The following PBX4 variants were observed in gnomAD, a reference collection of about 807,000 sequenced individuals.
PBX4 encodes pre-B-cell leukemia transcription factor 4.
A neutral mutation model predicts 35.1 loss-of-function variants in PBX4; 26 were observed. The observed-to-expected ratio is 0.74, with a 90% CI of 0.54 to 1.03. PBX4 has a LOEUF of 1.03. PBX4 is among the 50% of genes least tolerant of loss of function. The pLI is 0.00. For synonymous variants in PBX4, 199 were observed against 204.2 expected, an observed-to-expected ratio of 0.97 and a Z score of 0.22; for missense variants, 448 against 504.3, an observed-to-expected ratio of 0.89 and a Z score of 1.07.
intron 5 of PBX4, among the ~76,000 whole-genome samples, chr19:19,568,975 G>C (rs995722987): frequency 2.6e-5 from 4 of 152,212 alleles, no homozygotes; most frequent in Admixed American, 2.6e-4. Context: ...CGGGGAGAGC[G>C]CTGGAGTCCC....
chr19:19,565,154 TG>T (rs2061334106), intron 5 of PBX4, 65 bp from the exon 6 acceptor site: 1 of 1,601,410 alleles, frequency 6.2e-7, no homozygotes, highest in Non-Finnish European at 8.5e-7. Context: ...ACGCAGTCTG[TG>T]GGTTCCCTGG....
rs1390186577 is a variant in PBX4 at position 19,563,091 on chromosome 19, G to A, written c.1032+418C>T. Among the ~76,000 whole-genome samples the A allele has an allele frequency of 2.6e-5, 4 of 152,132 alleles. No individual in the cohort carries two copies. Among genetic ancestry groups the A allele is most frequent in the South Asian group, 2.1e-4 (1 of 4,826 alleles). ...AGTGTCTTCAAGACGGTCCCCACTCGCTGCCTTCCCAGCCAAGCTGCGGCA... is the reference window on the plus strand; with the variant it reads ...AGTGTCTTCAAGACGGTCCCCACTCACTGCCTTCCCAGCCAAGCTGCGGCA... On this transcript the variant is annotated intron_variant, in intron 7 of 7. Coordinates refer to ENST00000251203, the MANE Select transcript of PBX4 (RefSeq NM_025245.3). This position sits in a 1 kb window ranked among gnomAD's most constrained non-coding sequence, Gnocchi z 5.1.
intron 2 of PBX4, among the ~76,000 whole-genome samples, chr19:19,572,986 A>G (rs1286892035): frequency 6.6e-6 from 1 of 151,564 alleles, no homozygotes; most frequent in African/African-American, 2.4e-5. Context: ...AGATCCAAGG[A>G]CTGACCACAA....
chr19:19,600,566 C>A (rs892240623), intron 1 of PBX4, among the ~76,000 whole-genome samples: 3 of 151,502 alleles, frequency 2.0e-5, no homozygotes, highest in Admixed American at 2.0e-4. Flanking sequence ...TGCCTGTAAT[C>A]CCAGCACTTT....
At chr19:19,581,606 C>G (rs1232759440) in intron 2 of PBX4, among the ~76,000 whole-genome samples, 1 of 152,176 alleles carries the variant, frequency 6.6e-6, no homozygotes, top group Non-Finnish European at 1.5e-5. Flanking sequence ...TCCAGCACTT[C>G]CAGTGGAGAA....
intron 2 of PBX4, among the ~76,000 whole-genome samples, chr19:19,585,932 C>T (rs1269304550): frequency 6.6e-6 from 1 of 152,204 alleles, no homozygotes; most frequent in Non-Finnish European, 1.5e-5. Context: ...AGCCATGTTG[C>T]TCACAGAAAG....
At chr19:19,568,671 A>C (rs186446719) in intron 5 of PBX4, among the ~76,000 whole-genome samples, 67 of 150,582 alleles carry the variant, frequency 4.4e-4, no homozygotes, top group Admixed American at 1.3e-3. Context: ...CTCCGTCTGT[A>C]TCCCTCAGGG....
At position 19,614,804 on chromosome 19, in the gene PBX4, G is replaced by A. The variant is rs971397455; in HGVS notation, c.119+3707C>T. 6.6e-5 allele frequency among the ~76,000 whole-genome samples: 10 copies of A among 151,984 alleles called. No homozygotes were observed. In the East Asian group the frequency reaches 7.8e-4, roughly 12 times the overall value. ...TCCTCGACCTTTGGAAGGCTGAGGC[G>A]GGAGGATTTCTTAACTCAGGAGTTT... On this transcript the variant is annotated intron_variant, in intron 1 of 7. Transcript: ENST00000251203.
At chr19:19,592,332 C>A (rs150530667) in intron 2 of PBX4, among the ~76,000 whole-genome samples, 2 of 152,186 alleles carry the variant, frequency 1.3e-5, no homozygotes, top group Non-Finnish European at 2.9e-5. Context: ...CTCAGAACAG[C>A]TCCTCTAGAC....
At chr19:19,587,323 CACGCCTGTAATACCAGCACTTT>C (rs1164532546) in intron 2 of PBX4, among the ~76,000 whole-genome samples, 2 of 152,234 alleles carry the variant, frequency 1.3e-5, no homozygotes, top group Admixed American at 1.3e-4. Flanking sequence ...AGCAGTGGCT[CACGCCTGTAATACCAGCACTTT>C]GGAAGGCCAA....
rs1057385744 is a variant in PBX4 at position 19,562,923 on chromosome 19, C to A, written c.1032+586G>T. ...CTTCCCAGGACCAGGTGGGACCCCA[C>A]AGACAGCACAGGAGGCATCCGTTCT... On this transcript the variant is annotated intron_variant, in intron 7 of 7. Transcript: ENST00000251203. The surrounding 1 kb of genome is among the most constrained non-coding windows in gnomAD (Gnocchi z 4.8). Among the ~76,000 whole-genome samples, 1 of 152,180 alleles carries A rather than the reference C, an allele frequency of 6.6e-6. No homozygotes were observed. The highest frequency in any genetic ancestry group is 1.5e-5 in the Non-Finnish European group (1 of 68,000).
chr19:19,562,233 C>G lies in PBX4; in HGVS notation c.1033-116G>C. On this transcript the variant is annotated intron_variant, in intron 7 of 7. Transcript: ENST00000251203. The surrounding 1 kb of genome is among the most constrained non-coding windows in gnomAD (Gnocchi z 4.8). ...CCTGGGAAGGCTTGGAAAAGATCCA[C>G]AGATGACCTCCAGCTCAGTGGAGGA... is the stretch of plus-strand genomic sequence containing the variant. 1.4e-6 allele frequency: 1 copy of G among 707,916 alleles called. No homozygotes were observed. The highest frequency in any genetic ancestry group is 2.3e-6 in the Non-Finnish European group (1 of 433,030). 43.9% of individuals were successfully genotyped at this position (707,916 alleles called of 1,614,324 possible).
At chr19:19,614,978 G>T (rs567228780) in intron 1 of PBX4, among the ~76,000 whole-genome samples, 1 of 151,764 alleles carries the variant, frequency 6.6e-6, no homozygotes, top group South Asian at 2.1e-4. Flanking sequence ...TAGCCAATAC[G>T]GTGAAACCCT....
chr19:19,564,637 G>A (rs919376786), intron 6 of PBX4: 39 of 330,656 alleles, frequency 1.2e-4, no homozygotes, highest in Admixed American at 2.1e-4. Context: ...CTGACCTCAG[G>A]TGATCCACTC....
At chr19:19,578,563 G>A (rs79160026) in intron 2 of PBX4, among the ~76,000 whole-genome samples, 203 of 152,246 alleles carry the variant, frequency 1.3e-3, no homozygotes, top group African/African-American at 4.5e-3. Flanking sequence ...ACCATCTGTC[G>A]GAGGCACTGA....
intron 1 of PBX4, among the ~76,000 whole-genome samples, chr19:19,615,165 C>CAAA (rs33921244): frequency 3.7e-5 from 2 of 54,156 alleles, no homozygotes; most frequent in Non-Finnish European, 6.3e-5. Context: ...ACCCTGTCTC[C>CAAA]AAAAAAAAAA....
chr19:19,586,140 G>A (rs1326492849), intron 2 of PBX4, among the ~76,000 whole-genome samples: 1 of 152,212 alleles, frequency 6.6e-6, no homozygotes, highest in Non-Finnish European at 1.5e-5. Context: ...GGCTGAGCAT[G>A]TGGTGGCTTA....
In PBX4 at chr19:19,569,459, G is replaced by A; in HGVS notation, c.758C>T (p.Thr253Ile). ...KEELARKGGL[T>I]ISQVSNWFGN... is the part of the protein sequence containing the mutation. ...AGGAGAGAACGTCACCTGGGAGATG[G>A]TGAGGCCGCCCTTCCTGGCCAGCTC... The change falls in exon 5 of 8, where the codon ACC becomes ATC. Residue 253 changes from threonine to isoleucine, a missense_variant. By Grantham distance (89) the Thr-to-Ile change is moderately conservative. Transcript: ENST00000251203. The A allele has an allele frequency of 6.2e-7, 1 of 1,611,738 alleles. No homozygotes were observed.
chr19:19,612,979 T>A (rs375183470), intron 1 of PBX4, among the ~76,000 whole-genome samples: 2 of 151,860 alleles, frequency 1.3e-5, no homozygotes, highest in African/African-American at 4.8e-5. Context: ...GGCATCATCA[T>A]GCCCAGCTAA....
Sources: gnomAD v4.1 joint callset for allele counts (sites outside exome capture counted in the v4.1 genomes callset) on GRCh38, gnomAD v4.1.1 for gene constraint, Gnocchi (gnomAD v3.1) non-coding constraint, MANE v1.5 for transcripts, NCBI Gene and HGNC (gene_info 2026-07-23, HGNC 2026-07-21) for gene names.